The following NAV2 variants were observed in gnomAD, a reference collection of about 807,000 sequenced individuals.
The protein encoded by NAV2 is neuron navigator 2.
Under a neutral mutation model 223.2 loss-of-function variants are expected in NAV2, and 54 were observed. The observed-to-expected ratio is 0.24, with a 90% CI of 0.19 to 0.30. NAV2 has a LOEUF of 0.30. NAV2 is among the 10% of genes least tolerant of loss of function. The pLI, the probability that NAV2 is intolerant of heterozygous loss-of-function variation, is 1.00. For synonymous variants in NAV2, 1,279 were observed against 1,239.3 expected, an observed-to-expected ratio of 1.03 and a Z score of -0.67; for missense variants, 2,806 against 3,147.5, an observed-to-expected ratio of 0.89 and a Z score of 2.60.
At chr11:19,718,728 T>C (rs896403763) in intron 1 of NAV2, among the ~76,000 whole-genome samples, 1 of 152,190 alleles carries the variant, frequency 6.6e-6, no homozygotes, top group African/African-American at 2.4e-5. Flanking sequence ...GCTTACTCCA[T>C]GGGTTAATTT....
upstream of NAV2, among the ~76,000 whole-genome samples, chr11:19,708,118 A>C (rs1260386157): frequency 6.6e-6 from 1 of 152,170 alleles, no homozygotes; most frequent in Non-Finnish European, 1.5e-5. Context: ...ACACAGACCC[A>C]TCTGGAAGAA....
intron 1 of NAV2, among the ~76,000 whole-genome samples, chr11:19,480,040 A>G (rs1372763175): frequency 6.6e-6 from 1 of 152,190 alleles, no homozygotes; most frequent in East Asian, 1.9e-4. Flanking sequence ...TTATGCTAGG[A>G]CAGTAGAACT....
intron 2 of NAV2, 137 bp from the exon 3 acceptor site, chr11:19,842,734 A>C (rs753490801): frequency 1.2e-5 from 8 of 648,938 alleles, no homozygotes; most frequent in Non-Finnish European, 1.9e-5. Flanking sequence ...GATGTGTCTC[A>C]GTATTTCACA....
intron 1 of NAV2, among the ~76,000 whole-genome samples, chr11:19,696,663 A>T (rs930810133): frequency 5.3e-5 from 8 of 152,182 alleles, no homozygotes; most frequent in African/African-American, 1.9e-4. Context: ...CAGAGAAAGG[A>T]TTGTTTACAT....
Position 19,916,159 on chromosome 11 carries a change from G to A in NAV2, c.932-17017G>A, listed in dbSNP as rs1017085725. Reference sequence around the variant, plus strand: ...CTGTTAATGATTAAAATCATGAAGAGCAAATGAAAAGGAAATAAACTAATG... The same window carrying A: ...CTGTTAATGATTAAAATCATGAAGAACAAATGAAAAGGAAATAAACTAATG... On this transcript the variant is annotated intron_variant, in intron 6 of 37. Transcript: ENST00000349880. Among the ~76,000 whole-genome samples the A allele has an allele frequency of 3.9e-5, 6 of 152,304 alleles. No homozygotes were observed. In the South Asian group the frequency reaches 1.2e-3, roughly 32 times the overall value.
intron 7 of NAV2, among the ~76,000 whole-genome samples, chr11:19,938,810 T>A (rs573372369): frequency 6.6e-6 from 1 of 152,174 alleles, no homozygotes; most frequent in African/African-American, 2.4e-5. Flanking sequence ...GGAAGAACAG[T>A]TGGATGACTT....
In NAV2 at chr11:19,369,568, T is replaced by A. The variant is rs185192506; in HGVS notation, c.75+18541T>A. Among the ~76,000 whole-genome samples the A allele has an allele frequency of 3.1e-3, 478 of 152,324 alleles. 2 individuals are homozygous for A. Among genetic ancestry groups the A allele is most frequent in the African/African-American group, 0.011 (456 of 41,574 alleles). ...TTAGTGCAATATCCTTTGCAAACTT[T>A]TGTGACTTCCTCAGAGATTTTCTTT... is the stretch of plus-strand genomic sequence containing the variant. On this transcript the variant is annotated intron_variant, in intron 1 of 37. Coordinates refer to the NAV2 transcript ENST00000360655.
At chr11:20,106,209 A>G (rs1428970935) in intron 35 of NAV2, among the ~76,000 whole-genome samples, 2,105 of 74,880 alleles carry the variant, frequency 0.028, 335 homozygotes, top group African/African-American at 0.052. Flanking sequence ...ATATATATAT[A>G]TATATATATA....
At chr11:19,473,960 G>A (rs2133951168) in intron 1 of NAV2, among the ~76,000 whole-genome samples, 1 of 152,300 alleles carries the variant, frequency 6.6e-6, no homozygotes, top group African/African-American at 2.4e-5. Flanking sequence ...GGTCGTTCTA[G>A]CTCCAGGGGT....
chr11:19,990,019 G>C (rs967959868), intron 11 of NAV2, among the ~76,000 whole-genome samples: 2 of 152,160 alleles, frequency 1.3e-5, no homozygotes, highest in Non-Finnish European at 2.9e-5. Flanking sequence ...GTCCTTCAGA[G>C]ACAATGCAAA....
At chr11:19,735,814 A>AC (rs1364142236) in intron 1 of NAV2, among the ~76,000 whole-genome samples, 4 of 152,174 alleles carry the variant, frequency 2.6e-5, no homozygotes, top group Non-Finnish European at 1.5e-5. Flanking sequence ...AAATAGCATC[A>AC]CTTTTTTTTT....
intron 1 of NAV2, among the ~76,000 whole-genome samples, chr11:19,660,843 A>C (rs568164764): frequency 4.2e-4 from 64 of 152,322 alleles, no homozygotes; most frequent in Middle Eastern, 6.8e-3. Context: ...TAGTAGTAGC[A>C]ATCATAATAG....
At chr11:20,001,457 T>C (rs2052534326) in intron 11 of NAV2, among the ~76,000 whole-genome samples, 1 of 152,162 alleles carries the variant, frequency 6.6e-6, no homozygotes, top group Non-Finnish European at 1.5e-5. Context: ...CAGCACTTAC[T>C]GAAATGAACT....
At chr11:19,655,045 C>CA (rs760769665) in intron 1 of NAV2, among the ~76,000 whole-genome samples, 15 of 151,878 alleles carry the variant, frequency 9.9e-5, no homozygotes, top group East Asian at 5.8e-4. Context: ...AAATTTACCA[C>CA]AAAAAAACAA....
chr11:19,520,964 C>T (rs2702710), intron 1 of NAV2, among the ~76,000 whole-genome samples: 12,326 of 152,164 alleles, frequency 0.081, 1,661 homozygotes, highest in African/African-American at 0.28. Context: ...GCTGAGGCAG[C>T]GGTTTGATGG....
chr11:20,062,392 C>T lies in NAV2; in HGVS notation c.4884+33C>T, dbSNP rs1350381310. 1.9e-5 allele frequency: 29 copies of T among 1,541,678 alleles called. No individual in the cohort carries two copies. In the Admixed American group the frequency reaches 5.0e-4, roughly 27 times the overall value. ...TAAATCAATGCTGTGTGGCTGTGAT[C>T]ATGAGAACTGGGGTTCCTTTATCAA... On this transcript the variant is annotated intron_variant, in intron 20 of 37. Coordinates refer to ENST00000349880, the MANE Select transcript of NAV2 (RefSeq NM_145117.5).
chr11:20,022,242 G>C (rs145629820), intron 11 of NAV2, among the ~76,000 whole-genome samples: 2,012 of 152,286 alleles, frequency 0.013, 35 homozygotes, highest in Non-Finnish European at 0.018. Flanking sequence ...CATAGCATCT[G>C]TTTACATAGT....
At chr11:20,088,640 A>G (rs2060612625) in intron 26 of NAV2, among the ~76,000 whole-genome samples, 1 of 152,246 alleles carries the variant, frequency 6.6e-6, no homozygotes. Flanking sequence ...TGTAAAGTCA[A>G]GGGTTTAGGC....
At chr11:20,093,227 C>T (rs915191457) in intron 29 of NAV2, 28 bp downstream of exon 29, 5 of 1,455,462 alleles carry the variant, frequency 3.4e-6, no homozygotes, top group Non-Finnish European at 4.8e-6. Context: ...CCCTGCTTTG[C>T]CTGTCCCTCC....
Sources: gnomAD v4.1 joint callset for allele counts (sites outside exome capture counted in the v4.1 genomes callset) on GRCh38, gnomAD v4.1.1 for gene constraint, MANE v1.5 for transcripts, NCBI Gene and HGNC (gene_info 2026-07-23, HGNC 2026-07-21) for gene names.